The following FOXP2 variants were observed in gnomAD, a reference collection of about 807,000 sequenced individuals.
FOXP2 encodes forkhead box P2.
Under a neutral mutation model 115.8 loss-of-function variants are expected in FOXP2, and 12 were observed. The observed-to-expected ratio is 0.10, with a 90% CI of 0.07 to 0.17. The LOEUF (loss-of-function observed/expected upper bound fraction) is 0.17. Among genes scored for constraint, FOXP2 ranks in the 10% least tolerant of loss-of-function variants. The pLI, the probability that FOXP2 is intolerant of heterozygous loss-of-function variation, is 1.00. For missense variants in FOXP2, 629 were observed against 843.5 expected (o/e 0.75, Z 3.15); for synonymous variants, 328 against 297.7 (o/e 1.10, Z -1.05).
intron 2 of FOXP2, among the ~76,000 whole-genome samples, chr7:114,514,530 A>T (rs1002139724): frequency 3.9e-5 from 6 of 151,910 alleles, no homozygotes; most frequent in African/African-American, 1.5e-4. Context: ...TTCCTGGTTT[A>T]TTTTACTTAA....
intron 2 of FOXP2, among the ~76,000 whole-genome samples, chr7:114,481,762 C>CTCTATCTATCTATCTATCTATCTA (rs3028214): frequency 6.9e-6 from 1 of 145,272 alleles, no homozygotes; most frequent in South Asian, 2.2e-4. Flanking sequence ...CATATGGAAA[C>CTCTATCTATCTATCTATCTATCTA]TCTATCTATC....
In FOXP2 at chr7:114,434,002, A is replaced by T. The variant is rs73434162; in HGVS notation, c.168+7323A>T. On this transcript the variant is annotated intron_variant, in intron 2 of 16. Coordinates refer to ENST00000350908, the MANE Select transcript of FOXP2 (RefSeq NM_014491.4). ...TATGGCTGCAATATATTGAAAAAAA[A>T]GTCCTTGGATCTTTGTGTTGAAATG... is the stretch of plus-strand genomic sequence containing the variant. Among the ~76,000 whole-genome samples the T allele has an allele frequency of 6.9e-3, 1,043 of 152,102 alleles. 11 individuals carry two copies. Among genetic ancestry groups the T allele is most frequent in the African/African-American group, 0.024 (993 of 41,548 alleles).
At chr7:114,106,620 G>A (rs2129141518) in intron 1 of FOXP2, among the ~76,000 whole-genome samples, 1 of 152,078 alleles carries the variant, frequency 6.6e-6, no homozygotes, top group African/African-American at 2.4e-5. Context: ...TTCTTTAGAG[G>A]AAAATCTGAC....
intron 1 of FOXP2, among the ~76,000 whole-genome samples, chr7:114,130,449 G>A (rs1791841901): frequency 6.6e-6 from 1 of 152,096 alleles, no homozygotes; most frequent in African/African-American, 2.4e-5. Flanking sequence ...ATTTGTGTAG[G>A]TTTTCTTTTC....
At chr7:114,555,309 G>A (rs769134495) in intron 3 of FOXP2, among the ~76,000 whole-genome samples, 1 of 152,100 alleles carries the variant, frequency 6.6e-6, no homozygotes, top group African/African-American at 2.4e-5. Flanking sequence ...AGTCTGATTC[G>A]AAACCATGTG....
At chr7:114,550,855 G>C (rs1800170968) in intron 3 of FOXP2, among the ~76,000 whole-genome samples, 1 of 152,178 alleles carries the variant, frequency 6.6e-6, no homozygotes, top group Non-Finnish European at 1.5e-5. Flanking sequence ...ATAATTGATA[G>C]TAAGCAATAT....
chr7:114,144,622 T>C (rs960200436), intron 1 of FOXP2, among the ~76,000 whole-genome samples: 7 of 152,020 alleles, frequency 4.6e-5, no homozygotes, highest in African/African-American at 1.4e-4. Context: ...AACTATAGAG[T>C]TTAAATTATG....
chr7:114,494,076 A>G (rs2040659), intron 2 of FOXP2, among the ~76,000 whole-genome samples: 2,442 of 152,170 alleles, frequency 0.016, 32 homozygotes, highest in Non-Finnish European at 0.024. Flanking sequence ...ATTAGAGGTA[A>G]CTTTTTAATT....
In FOXP2 at chr7:114,692,935, T is replaced by C. The variant is rs1450901529; in HGVS notation, c.*3009T>C. 2 of 453,986 alleles carry C rather than the reference T, an allele frequency of 4.4e-6. No homozygotes were observed. Among genetic ancestry groups the C allele is most frequent in the Non-Finnish European group, 8.8e-6 (2 of 226,674 alleles). 28.1% of individuals were successfully genotyped at this position (453,986 alleles called of 1,614,324 possible). ...AGTCATGGTTGAGAATTGTAACAGC[T>C]GTTATTCGTTCTGTATTCATGGCTT... On this transcript the variant is annotated 3_prime_UTR_variant, in exon 17 of 17. Transcript: ENST00000350908.
intron 2 of FOXP2, among the ~76,000 whole-genome samples, chr7:114,487,457 A>AT (rs1316696196): frequency 2.0e-5 from 3 of 151,966 alleles, no homozygotes; most frequent in Admixed American, 6.6e-5. Context: ...CCCTGGAGAC[A>AT]TTTTCTCCAT....
intron 1 of FOXP2, among the ~76,000 whole-genome samples, chr7:114,178,769 C>G (rs1793381822): frequency 6.6e-6 from 1 of 151,762 alleles, no homozygotes; most frequent in African/African-American, 2.4e-5. Flanking sequence ...TTCATTTTCT[C>G]TCAATGCCAT....
At chr7:114,447,676 A>G (rs1246364860) in intron 2 of FOXP2, among the ~76,000 whole-genome samples, 1 of 152,136 alleles carries the variant, frequency 6.6e-6, no homozygotes, top group African/African-American at 2.4e-5. Context: ...TCCTATTCAT[A>G]TTTTGAATCT....
intron 1 of FOXP2, among the ~76,000 whole-genome samples, chr7:114,231,113 G>A (rs1395467418): frequency 6.6e-6 from 1 of 151,720 alleles, no homozygotes; most frequent in Non-Finnish European, 1.5e-5. Context: ...ATCTGAAAAT[G>A]AAATTATGAA....
At chr7:114,275,579 G>T (rs754905572) in intron 1 of FOXP2, among the ~76,000 whole-genome samples, 36 of 152,028 alleles carry the variant, frequency 2.4e-4, no homozygotes, top group Non-Finnish European at 4.3e-4. Context: ...TTGCCCATCT[G>T]TTATTGGGTA....
At chr7:114,655,850 G>T (rs547620920) in intron 10 of FOXP2, among the ~76,000 whole-genome samples, 8 of 152,184 alleles carry the variant, frequency 5.3e-5, no homozygotes, top group Admixed American at 1.3e-4. Context: ...TCTCTGAATG[G>T]TACTTCATTA....
intron 15 of FOXP2, 137 bp downstream of exon 15, chr7:114,663,656 A>G (rs1301733295): frequency 5.6e-6 from 4 of 713,478 alleles, no homozygotes; most frequent in African/African-American, 3.6e-5. Context: ...ACCTAGTACT[A>G]TAGACAGCAC....
intron 1 of FOXP2, among the ~76,000 whole-genome samples, chr7:114,221,139 T>A (rs1348376514): frequency 4.6e-5 from 7 of 152,128 alleles, no homozygotes; most frequent in Non-Finnish European, 1.0e-4. Flanking sequence ...ATTACTAAAT[T>A]TCAGGTTTCT....
chr7:114,215,081 A>G (rs1259484464), intron 1 of FOXP2, among the ~76,000 whole-genome samples: 1 of 152,158 alleles, frequency 6.6e-6, no homozygotes, highest in Admixed American at 6.5e-5. Context: ...TTTTAAATGT[A>G]GGAGGCACCT....
At chr7:114,604,749 T>C (rs1399798319) in intron 3 of FOXP2, among the ~76,000 whole-genome samples, 1 of 152,148 alleles carries the variant, frequency 6.6e-6, no homozygotes, top group African/African-American at 2.4e-5. Context: ...GTCACCCCAT[T>C]AAGTATCCAA....
Sources: allele counts gnomAD v4.1 joint callset (sites outside exome capture counted in the v4.1 genomes callset), GRCh38; gene constraint gnomAD v4.1.1; transcripts MANE v1.5; gene names NCBI Gene and HGNC (gene_info 2026-07-23, HGNC 2026-07-21).